Variants in ZDHHC14 observed in about 807,000 individuals in gnomAD.
ZDHHC14 encodes the protein palmitoyltransferase ZDHHC14.
In ZDHHC14, 16 loss-of-function variants were observed where a neutral mutation model predicts 47.7. The observed-to-expected ratio is 0.34, with a 90% CI of 0.23 to 0.51. The LOEUF is 0.51. Ranked by LOEUF, ZDHHC14 falls within the 20% of genes least tolerant of loss-of-function variation. The probability of loss-of-function intolerance (pLI) is 0.97; values close to 1 mark genes in which losing one functional copy is unlikely to be tolerated. For missense variants in ZDHHC14, 515 were observed against 662.5 expected (o/e 0.78, Z 2.44); for synonymous variants, 293 against 278.9 (o/e 1.05, Z -0.50).
intron 1 of ZDHHC14, among the ~76,000 whole-genome samples, chr6:157,448,595 G>A (rs1293705283): frequency 6.6e-6 from 1 of 152,178 alleles, no homozygotes; most frequent in Admixed American, 6.5e-5. Flanking sequence ...TAGACATAGT[G>A]AACAATACAT....
chr6:157,589,951 C>G (rs1783845613), intron 2 of ZDHHC14, among the ~76,000 whole-genome samples: 1 of 152,188 alleles, frequency 6.6e-6, no homozygotes, highest in South Asian at 2.1e-4. Context: ...CAATGAAGTC[C>G]AGGCTGAGGT....
At chr6:157,464,479 T>C (rs970041199) in intron 1 of ZDHHC14, among the ~76,000 whole-genome samples, 3 of 152,208 alleles carry the variant, frequency 2.0e-5, no homozygotes, top group Non-Finnish European at 4.4e-5. Context: ...GCTGTGTACA[T>C]AGTAGGTATT....
At position 157,409,558 on chromosome 6, in the gene ZDHHC14, C is replaced by T. The variant is rs763613286; in HGVS notation, c.245+27292C>T. Among the ~76,000 whole-genome samples the T allele has an allele frequency of 4.6e-5, 7 of 152,286 alleles. No individual in the cohort carries two copies. In the South Asian group the frequency reaches 8.3e-4, roughly 18 times the overall value. ...TCGATAGATATTTACTGAGCACCAA[C>T]GGTAAGTCAAGCTCTTGAGTAAAGT... On this transcript the variant is annotated intron_variant, in intron 1 of 8. Coordinates refer to ENST00000359775, the MANE Select transcript of ZDHHC14 (RefSeq NM_024630.3).
chr6:157,423,882 C>T lies in ZDHHC14; in HGVS notation c.245+41616C>T, dbSNP rs1244576213. On this transcript the variant is annotated intron_variant, in intron 1 of 8. Transcript: ENST00000359775. ...CCACCCCAGACCTGCAGACTCTGAC[C>T]CCCCAGGCGATTCGTGTGCAATATG... 2.0e-5 allele frequency among the ~76,000 whole-genome samples: 3 copies of T among 152,144 alleles called. No individual in the cohort carries two copies. The East Asian group carries it at 5.8e-4, about 29-fold the overall frequency.
intron 1 of ZDHHC14, among the ~76,000 whole-genome samples, chr6:157,473,988 C>CTTTTT (rs34287258): frequency 3.0e-4 from 36 of 118,574 alleles, no homozygotes; most frequent in East Asian, 7.0e-4. Flanking sequence ...ATTTTCTTTT[C>CTTTTT]TTTTTTTTTT....
At chr6:157,619,226 A>T (rs570440752) in intron 3 of ZDHHC14, among the ~76,000 whole-genome samples, 2,524 of 129,342 alleles carry the variant, frequency 0.02, 65 homozygotes, top group African/African-American at 0.087. Flanking sequence ...ACTAAAAATT[A>T]AAAAAAAAAA....
At chr6:157,387,863 C>T (rs1192977268) in intron 1 of ZDHHC14, among the ~76,000 whole-genome samples, 1 of 152,150 alleles carries the variant, frequency 6.6e-6, no homozygotes, top group Non-Finnish European at 1.5e-5. Context: ...TTGGAAAATA[C>T]CTTTCTTGTG....
At chr6:157,610,214 G>T (rs148413798) in intron 3 of ZDHHC14, among the ~76,000 whole-genome samples, 12 of 152,336 alleles carry the variant, frequency 7.9e-5, no homozygotes, top group Admixed American at 1.3e-4. Flanking sequence ...GGAGGCCGAG[G>T]CAGGCGGATC....
chr6:157,561,246 G>T (rs146827644), intron 2 of ZDHHC14, among the ~76,000 whole-genome samples: 502 of 152,272 alleles, frequency 3.3e-3, no homozygotes, highest in African/African-American at 0.011. Context: ...CCTTGCTGGG[G>T]TCAGGGCCAG....
At chr6:157,412,871 G>A (rs1407958844) in intron 1 of ZDHHC14, among the ~76,000 whole-genome samples, 2 of 152,166 alleles carry the variant, frequency 1.3e-5, no homozygotes, top group African/African-American at 4.8e-5. Context: ...GGGAAATCAG[G>A]TCCATGAGAA....
chr6:157,635,472 T>C (rs1260997179), intron 5 of ZDHHC14, among the ~76,000 whole-genome samples: 2 of 152,236 alleles, frequency 1.3e-5, no homozygotes, highest in Non-Finnish European at 2.9e-5. Context: ...TTAACCCTTT[T>C]GTGTCTCAAT....
At chr6:157,503,163 G>C (rs773821324) in intron 1 of ZDHHC14, among the ~76,000 whole-genome samples, 1 of 152,188 alleles carries the variant, frequency 6.6e-6, no homozygotes, top group Non-Finnish European at 1.5e-5. Context: ...TGTGATCGGG[G>C]ACTCTGGTGG....
At chr6:157,489,345 A>C (rs1779856632) in intron 1 of ZDHHC14, among the ~76,000 whole-genome samples, 1 of 152,224 alleles carries the variant, frequency 6.6e-6, no homozygotes, top group African/African-American at 2.4e-5. Context: ...TTTATGCTGC[A>C]CCAGAGAAAA....
intron 2 of ZDHHC14, among the ~76,000 whole-genome samples, chr6:157,551,271 A>T (rs915015816): frequency 1.3e-5 from 2 of 152,044 alleles, no homozygotes; most frequent in Non-Finnish European, 2.9e-5. Flanking sequence ...GGGACATTCC[A>T]GCTTAAAGGG....
At chr6:157,421,063 T>A (rs1156228435) in intron 1 of ZDHHC14, among the ~76,000 whole-genome samples, 1 of 152,176 alleles carries the variant, frequency 6.6e-6, no homozygotes, top group Admixed American at 6.5e-5. Context: ...CAGTTTATTT[T>A]TTTTTGTAGC....
chr6:157,579,204 T>TTG (rs1238132741), intron 2 of ZDHHC14, among the ~76,000 whole-genome samples: 4 of 130,074 alleles, frequency 3.1e-5, no homozygotes, highest in Admixed American at 7.5e-5. Context: ...TTTTTTTTTT[T>TTG]TTTTTTTTTT....
intron 1 of ZDHHC14, among the ~76,000 whole-genome samples, chr6:157,434,235 T>TATATATAA (rs1209354692): frequency 1.3e-5 from 2 of 150,316 alleles, no homozygotes; most frequent in African/African-American, 2.4e-5. Flanking sequence ...TATATATATA[T>TATATATAA]AATTCTTTTA....
chr6:157,628,864 A>G (rs1785546638), intron 4 of ZDHHC14, among the ~76,000 whole-genome samples: 1 of 152,172 alleles, frequency 6.6e-6, no homozygotes, highest in Non-Finnish European at 1.5e-5. Flanking sequence ...CACAAAGGAC[A>G]ATGTGCTGCA....
intron 1 of ZDHHC14, among the ~76,000 whole-genome samples, chr6:157,393,235 C>A (rs937557175): frequency 6.6e-6 from 1 of 152,196 alleles, no homozygotes; most frequent in Non-Finnish European, 1.5e-5. Context: ...GCAGTATAAT[C>A]ATTTCTGTAC....
Sources: allele counts gnomAD v4.1 joint callset (sites outside exome capture counted in the v4.1 genomes callset), GRCh38; gene constraint gnomAD v4.1.1; transcripts MANE v1.5; gene names NCBI Gene and HGNC (gene_info 2026-07-23, HGNC 2026-07-21).